CYP2B6: variants seen among roughly 807,000 people sequenced by gnomAD.
The protein encoded by CYP2B6 is cytochrome P450 2B6.
Under a neutral mutation model 43.4 loss-of-function variants are expected in CYP2B6, and 35 were observed. That is an observed-to-expected ratio of 0.81 (90% CI 0.62 to 1.07). The LOEUF (loss-of-function observed/expected upper bound fraction) is 1.07, where lower values mean the gene tolerates loss of function less well. CYP2B6 is among the 50% of genes least tolerant of loss of function. The pLI is 0.00. For missense variants in CYP2B6, 624 were observed against 632.8 expected (o/e 0.99, Z 0.15); for synonymous variants, 239 against 239.2 (o/e 1.00, Z 0.01).
At chr19:41,000,565 A>G (rs1969068266) in intron 1 of CYP2B6, among the ~76,000 whole-genome samples, 2 of 152,100 alleles carry the variant, frequency 1.3e-5, no homozygotes, top group South Asian at 4.1e-4. Flanking sequence ...CCAAGTGCCT[A>G]TTGTTTTCTT....
chr19:41,013,504 G>A (rs1300442932), intron 8 of CYP2B6, among the ~76,000 whole-genome samples: 5 of 152,172 alleles, frequency 3.3e-5, no homozygotes, highest in Non-Finnish European at 7.3e-5. Context: ...GAAACAGCAA[G>A]GACAAAGGCC....
intron 8 of CYP2B6, among the ~76,000 whole-genome samples, chr19:41,014,163 A>C (rs187351814): frequency 1.3e-3 from 198 of 152,332 alleles, no homozygotes; most frequent in African/African-American, 4.6e-3. Flanking sequence ...CAGTGACTTC[A>C]GTGATCCAGG....
chr19:41,015,700 C>T (rs1969350114), intron 8 of CYP2B6, among the ~76,000 whole-genome samples: 1 of 152,112 alleles, frequency 6.6e-6, no homozygotes, highest in Admixed American at 6.5e-5. Flanking sequence ...TTGGGCTTTT[C>T]CCCCCTTGAG....
chr19:40,996,070 G>A (rs964352178), intron 1 of CYP2B6, among the ~76,000 whole-genome samples: 4 of 151,922 alleles, frequency 2.6e-5, no homozygotes, highest in Non-Finnish European at 4.4e-5. Context: ...TTATCGGTCC[G>A]GTGACCCTGC....
At chr19:41,014,218 C>T (rs1969326587) in intron 8 of CYP2B6, among the ~76,000 whole-genome samples, 1 of 152,154 alleles carries the variant, frequency 6.6e-6, no homozygotes, top group Admixed American at 6.5e-5. Flanking sequence ...GACCTCCTTC[C>T]ACATTTTATC....
intron 3 of CYP2B6, among the ~76,000 whole-genome samples, chr19:41,005,043 T>C (rs1373448257): frequency 3.3e-5 from 5 of 152,060 alleles, no homozygotes; most frequent in African/African-American, 1.2e-4. Context: ...ATGGATCAAT[T>C]GTGTCTGTCA....
At chr19:40,993,020 C>T (rs1262882872) in intron 1 of CYP2B6, among the ~76,000 whole-genome samples, 2 of 152,086 alleles carry the variant, frequency 1.3e-5, no homozygotes, top group African/African-American at 4.8e-5. Context: ...ATGAACCAAA[C>T]TGATCAAAAT....
rs1421150030 is a variant in CYP2B6, at chr19:41,009,400, G to T, written c.822+5G>T. ...TACCTGCTCCACATGGAAAAAGTGG[G>T]GTCTGGGAGAGGAAAAAGGGAAGGG... On this transcript the variant is annotated splice_donor_5th_base_variant and intron_variant, in intron 5 of 8. Coordinates refer to ENST00000324071, the MANE Select transcript of CYP2B6 (RefSeq NM_000767.5). 1 of 1,590,668 alleles carries T rather than the reference G, an allele frequency of 6.3e-7. No individual in the cohort carries two copies.
At position 41,016,640 on chromosome 19, in the gene CYP2B6, C is replaced by T; in HGVS notation, c.1295-6C>T. The T allele has an allele frequency of 6.2e-7, 1 of 1,614,068 alleles. No individual in the cohort carries two copies. The highest frequency in any genetic ancestry group is 8.5e-7 in the Non-Finnish European group (1 of 1,179,946). On this transcript the variant is annotated splice_region_variant and splice_polypyrimidine_tract_variant and intron_variant, in intron 8 of 8. Transcript: ENST00000324071. ...TGCCCACACTGGTGACCTTCTGTGT[C>T]CACAGGGAAGCGGATTTGTCTTGGT...
At chr19:41,008,568 T>C (rs1969230450) in intron 4 of CYP2B6, among the ~76,000 whole-genome samples, 1 of 149,378 alleles carries the variant, frequency 6.7e-6, no homozygotes, top group African/African-American at 2.5e-5. Context: ...TGAGTACTTG[T>C]AACAAGCCCG....
intron 3 of CYP2B6, 90 bp from the exon 4 acceptor site, chr19:41,006,815 G>T (rs1018810051): frequency 8.2e-7 from 1 of 1,220,334 alleles, no homozygotes; most frequent in Non-Finnish European, 1.2e-6. Context: ...CCATTACTGA[G>T]TGATGGCAGA....
chr19:41,014,446 C>T (rs7255374), intron 8 of CYP2B6, among the ~76,000 whole-genome samples: 51,428 of 151,802 alleles, frequency 0.34, 9,116 homozygotes, highest in South Asian at 0.42. Context: ...CCTGAAACTA[C>T]GGGCGCATGC....
At position 41,001,100 on chromosome 19, in the gene CYP2B6, G is replaced by A. The variant is rs111994957; in HGVS notation, c.172-2901G>A. Among the ~76,000 whole-genome samples the A allele has an allele frequency of 9.1e-3, 1,380 of 152,146 alleles. 13 individuals carry two copies. The highest frequency in any genetic ancestry group is 0.014 in the Non-Finnish European group (945 of 68,004). On this transcript the variant is annotated intron_variant, in intron 1 of 8. Coordinates refer to ENST00000324071, the MANE Select transcript of CYP2B6 (RefSeq NM_000767.5). ...AATTAGTGATAGTGATGCTCAGCCT[G>A]GGGAAAGCATTTGTCCAGTGGCACA...
chr19:41,007,058 T>C lies in CYP2B6; in HGVS notation c.638T>C (p.Phe213Ser), dbSNP rs774539473. Reference sequence around the variant, plus strand: ...ACTTTTTCACTCATCAGCTCTGTATTCGGCCAGGTCAGGGAGACGGAGAGG... The same window carrying C: ...ACTTTTTCACTCATCAGCTCTGTATCCGGCCAGGTCAGGGAGACGGAGAGG... ...YQTFSLISSV[F>S]GQLFELFSGF... The change falls in exon 4 of 9, where the codon TTC (phenylalanine) becomes TCC (serine). Residue 213 changes from phenylalanine (F) to serine (S), a missense_variant. Coordinates refer to ENST00000324071, the MANE Select transcript of CYP2B6 (RefSeq NM_000767.5). The C allele has an allele frequency of 1.9e-6, 3 of 1,613,962 alleles. No individual in the cohort carries two copies. The Admixed American group carries it at 5.0e-5, about 27-fold the overall frequency.
intron 8 of CYP2B6, among the ~76,000 whole-genome samples, chr19:41,016,354 G>A (rs1358470876): frequency 1.2e-3 from 161 of 135,042 alleles, no homozygotes; most frequent in African/African-American, 4.3e-3. Flanking sequence ...GAGCCAAGAT[G>A]GTGCCACTGT....
chr19:40,991,550 G>T, intron 1 of CYP2B6, 74 bp downstream of exon 1: 1 of 1,541,442 alleles, frequency 6.5e-7, no homozygotes. Flanking sequence ...TCACCAAACA[G>T]AATGAGGCAG....
intron 1 of CYP2B6, among the ~76,000 whole-genome samples, chr19:40,994,681 G>A (rs1968974359): frequency 6.6e-6 from 1 of 151,890 alleles, no homozygotes; most frequent in Non-Finnish European, 1.5e-5. Flanking sequence ...CACCCCCATA[G>A]GTAGTCCCCA....
In CYP2B6 at chr19:41,003,860, C is replaced by G. The variant is rs1459570362; in HGVS notation, c.172-141C>G. The G allele has an allele frequency of 2.6e-4, 285 of 1,109,434 alleles. No homozygotes were observed. In the African/African-American group the frequency reaches 3.7e-3, roughly 15 times the overall value. 68.7% of individuals were successfully genotyped at this position (1,109,434 alleles called of 1,614,324 possible). ...AACCATTAACCCTTAATTGCTGGGT[C>G]CCAGCAGGGGAAAGGGCAGCCTGGG... On this transcript the variant is annotated intron_variant, in intron 1 of 8. Coordinates refer to ENST00000324071, the MANE Select transcript of CYP2B6 (RefSeq NM_000767.5).
At chr19:41,016,433 A>AAAAAAAAAAAAAAAAAAAAAAAGAGAG (rs1568564700) in intron 8 of CYP2B6, among the ~76,000 whole-genome samples, 1 of 98,956 alleles carries the variant, frequency 1.0e-5, no homozygotes, top group African/African-American at 4.2e-5. Context: ...AAAAAAAAAA[A>AAAAAAAAAAAAAAAAAAAAAAAGAGAG]AGAGAGAGAG....
Sources: allele counts gnomAD v4.1 joint callset (sites outside exome capture counted in the v4.1 genomes callset), GRCh38; gene constraint gnomAD v4.1.1; transcripts MANE v1.5; gene names NCBI Gene and HGNC (gene_info 2026-07-23, HGNC 2026-07-21).